DSCAM: variants seen among roughly 807,000 people sequenced by gnomAD.
DSCAM encodes DS cell adhesion molecule, also known as cell adhesion molecule DSCAM.
In DSCAM, 47 loss-of-function variants were observed where a neutral mutation model predicts 217.7. The observed-to-expected ratio is 0.22, with a 90% confidence interval of 0.17 to 0.28. The LOEUF is 0.28. Ranked by LOEUF, DSCAM falls within the 10% of genes least tolerant of loss-of-function variation. The pLI is 1.00. For synonymous variants in DSCAM, 1,056 were observed against 1,015.3 expected, an observed-to-expected ratio of 1.04 and a Z score of -0.76; for missense variants, 2,080 against 2,618.3, an observed-to-expected ratio of 0.79 and a Z score of 4.49.
chr21:40,574,329 C>T (rs1286089444), intron 3 of DSCAM, among the ~76,000 whole-genome samples: 1 of 152,134 alleles, frequency 6.6e-6, no homozygotes, highest in Non-Finnish European at 1.5e-5. Flanking sequence ...CATTAAAAAT[C>T]AGTCAAAATA....
chr21:40,551,962 T>C (rs1198909244), intron 3 of DSCAM, among the ~76,000 whole-genome samples: 1 of 152,138 alleles, frequency 6.6e-6, no homozygotes, highest in African/African-American at 2.4e-5. Flanking sequence ...AGACTTGTAT[T>C]TTTTGGTTTA....
chr21:40,033,992 A>G (rs1046437245), intron 32 of DSCAM, among the ~76,000 whole-genome samples: 47 of 105,382 alleles, frequency 4.5e-4, no homozygotes, highest in African/African-American at 1.8e-3. Flanking sequence ...GAAAACTAAC[A>G]AACAGAAAGG....
chr21:40,678,889 G>A (rs968497989), intron 3 of DSCAM, among the ~76,000 whole-genome samples: 4 of 152,188 alleles, frequency 2.6e-5, no homozygotes, highest in African/African-American at 7.2e-5. Context: ...TGTCAGCCTC[G>A]CCTTGACTTG....
chr21:40,025,689 T>C (rs2088365512), intron 32 of DSCAM, among the ~76,000 whole-genome samples: 2 of 151,144 alleles, frequency 1.3e-5, no homozygotes, highest in African/African-American at 4.9e-5. Context: ...CTGATGGTAG[T>C]TTGTATTTCT....
intron 3 of DSCAM, among the ~76,000 whole-genome samples, chr21:40,637,592 TAA>T (rs1448300785): frequency 1.4e-5 from 1 of 73,634 alleles, no homozygotes; most frequent in Non-Finnish European, 2.5e-5. Flanking sequence ...TATACATATA[TAA>T]ATATATATAT....
At chr21:40,062,938 C>T in intron 27 of DSCAM, 39 bp from the exon 28 acceptor site, 1 of 1,554,850 alleles carries the variant, frequency 6.4e-7, no homozygotes, top group Non-Finnish European at 8.7e-7. Flanking sequence ...TGGTAAATAA[C>T]TCATTAACAT....
chr21:40,296,504 C>G (rs1022603321), intron 9 of DSCAM, among the ~76,000 whole-genome samples: 2 of 152,014 alleles, frequency 1.3e-5, no homozygotes, highest in Admixed American at 1.3e-4. Context: ...ACAGAAATTC[C>G]CTCAATGGAA....
At chr21:40,102,981 T>C (rs550622973) in intron 20 of DSCAM, among the ~76,000 whole-genome samples, 4 of 152,200 alleles carry the variant, frequency 2.6e-5, no homozygotes, top group Non-Finnish European at 5.9e-5. Context: ...GCAGGGAACC[T>C]GGTTCAGAGC....
chr21:40,827,190 G>A (rs1252126777), intron 1 of DSCAM, among the ~76,000 whole-genome samples: 2 of 152,176 alleles, frequency 1.3e-5, no homozygotes, highest in Admixed American at 1.3e-4. Context: ...GAAGGGAAGT[G>A]TGATCTGTTG....
intron 1 of DSCAM, among the ~76,000 whole-genome samples, chr21:40,748,356 T>C (rs144268756): frequency 6.6e-6 from 1 of 151,094 alleles, no homozygotes; most frequent in Non-Finnish European, 1.5e-5. Flanking sequence ...AAAAAAAATA[T>C]TAGAACTAAT....
intron 3 of DSCAM, among the ~76,000 whole-genome samples, chr21:40,628,349 A>G (rs1477465353): frequency 6.6e-6 from 1 of 152,140 alleles, no homozygotes; most frequent in Non-Finnish European, 1.5e-5. Context: ...ACAAGCCTCA[A>G]CTGCACTTCT....
chr21:40,701,426 A>G (rs959832737), intron 2 of DSCAM, among the ~76,000 whole-genome samples: 1 of 152,070 alleles, frequency 6.6e-6, no homozygotes, highest in African/African-American at 2.4e-5. Context: ...TCTATAATTT[A>G]TTGATCTCCA....
chr21:40,424,804 C>G (rs1389580603), intron 3 of DSCAM, among the ~76,000 whole-genome samples: 1 of 152,096 alleles, frequency 6.6e-6, no homozygotes, highest in Non-Finnish European at 1.5e-5. Flanking sequence ...GGGGTTTCCA[C>G]AAAAAATTAT....
At chr21:40,371,460 C>G (rs2074898056) in intron 3 of DSCAM, among the ~76,000 whole-genome samples, 1 of 151,742 alleles carries the variant, frequency 6.6e-6, no homozygotes. Flanking sequence ...TTCCTGTCAC[C>G]TTCTTAGCGT....
intron 9 of DSCAM, among the ~76,000 whole-genome samples, chr21:40,309,519 C>T (rs1448496690): frequency 6.6e-6 from 1 of 152,138 alleles, no homozygotes; most frequent in South Asian, 2.1e-4. Context: ...TATTCTGGGG[C>T]CTTAAATGCT....
intron 3 of DSCAM, among the ~76,000 whole-genome samples, chr21:40,411,177 C>CAA (rs1569109784): frequency 8.2e-5 from 1 of 12,222 alleles, no homozygotes; most frequent in African/African-American, 2.4e-4. Context: ...TAATTATATA[C>CAA]ACACACACAC....
intron 9 of DSCAM, among the ~76,000 whole-genome samples, chr21:40,307,135 A>G (rs1234069522): frequency 6.6e-6 from 1 of 151,964 alleles, no homozygotes; most frequent in Non-Finnish European, 1.5e-5. Context: ...CTACTATCAG[A>G]GTGAACAGGC....
chr21:40,636,278 A>T (rs1215377885), intron 3 of DSCAM, among the ~76,000 whole-genome samples: 1 of 152,006 alleles, frequency 6.6e-6, no homozygotes, highest in African/African-American at 2.4e-5. Context: ...AATCTGGCAT[A>T]CTGTGGTTCT....
At position 40,150,598 on chromosome 21, in the gene DSCAM, G is replaced by A. The variant is rs537378961; in HGVS notation, c.3019-5867C>T. ...AAATGACACTAGAGGCTCACTCTGA[G>A]TTATGGATGAGTCAGTAGGAGTGGA... On this transcript the variant is annotated intron_variant, in intron 16 of 32. Transcript: ENST00000400454. Among the ~76,000 whole-genome samples the A allele has an allele frequency of 7.2e-5, 11 of 152,344 alleles. No individual in the cohort carries two copies. The South Asian group carries it at 2.1e-3, about 29-fold the overall frequency.
Sources: allele counts gnomAD v4.1 joint callset (sites outside exome capture counted in the v4.1 genomes callset), GRCh38; gene constraint gnomAD v4.1.1; transcripts MANE v1.5; gene names NCBI Gene and HGNC (gene_info 2026-07-23, HGNC 2026-07-21).